Variants in P2RX7 observed in about 807,000 individuals in gnomAD.
P2RX7 encodes purinergic receptor P2X 7, also known as P2X purinoceptor 7.
A neutral mutation model predicts 71.6 loss-of-function variants in P2RX7; 62 were observed. That is an observed-to-expected ratio of 0.87 (90% CI 0.71 to 1.07). P2RX7 has a LOEUF of 1.07. Ranked by LOEUF, P2RX7 falls within the 50% of genes least tolerant of loss-of-function variation. The pLI, the probability that P2RX7 is intolerant of heterozygous loss-of-function variation, is 0.00. For synonymous variants in P2RX7, 299 were observed against 283.3 expected (o/e 1.06, Z -0.56); for missense variants, 686 against 748.5 (o/e 0.92, Z 0.97).
In P2RX7 at chr12:121,166,318, C is replaced by G. The variant is rs1038836386; in HGVS notation, c.744+131C>G. On this transcript the variant is annotated intron_variant, in intron 7 of 12. Transcript: ENST00000328963. ...TTTACTGAGCATTTAGTAAATCCAC[C>G]CGCTACGCTAAGGACTTTACCTACC... The G allele has an allele frequency of 8.2e-6, 8 of 977,908 alleles. No individual in the cohort carries two copies. The African/African-American group carries it at 1.3e-4, about 16-fold the overall frequency. 60.6% of individuals were successfully genotyped at this position (977,908 alleles called of 1,614,324 possible).
chr12:121,173,718 T>C (rs1049469441), intron 8 of P2RX7, among the ~76,000 whole-genome samples: 10 of 152,204 alleles, frequency 6.6e-5, no homozygotes, highest in African/African-American at 2.4e-4. Flanking sequence ...TGCCAGTAGG[T>C]TCTGAGTTAC....
rs372502007 is a variant in P2RX7, at chr12:121,143,045, C to T, written c.125+9950C>T. Among the ~76,000 whole-genome samples the T allele has an allele frequency of 8.7e-5, 13 of 150,254 alleles. No homozygotes were observed. In the East Asian group the frequency reaches 1.4e-3, roughly 16 times the overall value. On this transcript the variant is annotated intron_variant, in intron 1 of 12. Transcript: ENST00000328963. The stretch of plus-strand genomic sequence containing the variant: ...GCAGTGAGCCAAGATTATGCCACTG[C>T]ACTTCCAGCCTGGGGGACAGAGTGA...
intron 1 of P2RX7, among the ~76,000 whole-genome samples, chr12:121,135,496 T>C (rs1028553726): frequency 3.9e-5 from 6 of 152,078 alleles, no homozygotes; most frequent in Non-Finnish European, 8.8e-5. Flanking sequence ...TCAAAAATCC[T>C]TCACCTCTTT....
chr12:121,177,161 C>T lies in P2RX7; in HGVS notation c.987C>T (p.Asp329=), dbSNP rs1883293323. 3.1e-6 allele frequency: 5 copies of T among 1,614,134 alleles called. No homozygotes were observed. The highest frequency in any genetic ancestry group is 4.2e-6 in the Non-Finnish European group (5 of 1,179,974). Residue 329 remains aspartate, a synonymous_variant, in exon 10 of 13, where the codon GAC becomes GAT. Transcript: ENST00000328963. ...ILVFGTGGKF[D]IIQLVVYIGS... ...TCTGTTTTTAGGGAGGAAAATTTGA[C>T]ATTATCCAGCTGGTTGTGTACATCG...
Position 121,154,634 on chromosome 12 carries a change from C to G in P2RX7, c.126-151C>G. On this transcript the variant is annotated intron_variant, in intron 1 of 12. Transcript: ENST00000328963. The surrounding 1 kb of genome is among the most constrained non-coding windows in gnomAD (Gnocchi z 4.2). ...CCATGAGGCAGGTATGACTATTCTT[C>G]CCATTATCCAGAGAGGGAAAACAAG... The G allele has an allele frequency of 1.5e-6, 1 of 670,274 alleles. No individual in the cohort carries two copies. The highest frequency in any genetic ancestry group is 1.8e-5 in the African/African-American group (1 of 56,610). The allele number at this position is 670,274 out of a possible 1,614,324, so 41.5% of individuals were successfully genotyped here. A position where few individuals can be genotyped will look rare whatever the true frequency, so the allele number is the denominator to read the frequency against.
intron 5 of P2RX7, 74 bp downstream of exon 5, chr12:121,162,594 C>A (rs1018488177): frequency 1.3e-6 from 2 of 1,553,340 alleles, no homozygotes; most frequent in South Asian, 1.1e-5. Flanking sequence ...GCTGCTTGGG[C>A]CTTCCCCTCT....
At chr12:121,162,340 T>C in intron 4 of P2RX7, 84 bp from the exon 5 acceptor site, 1 of 1,559,690 alleles carries the variant, frequency 6.4e-7, no homozygotes, top group Non-Finnish European at 8.7e-7. Context: ...CTCGCCCGGG[T>C]TGAGTTAATG....
Position 121,166,165 on chromosome 12 carries a change from AT to A in P2RX7, c.727del (p.Ser243GlnfsTer9). ...GACATCTTCCGAGAAACAGGCGATA[AT>A]TTTTCAGATGTGGCAATTCAGGTTG... ...LGDIFRETGD[N>X]FSDVAIQGGI... On this transcript the variant is annotated frameshift_variant, in exon 7 of 13. Coordinates refer to ENST00000328963, the MANE Select transcript of P2RX7 (RefSeq NM_002562.6). LOFTEE classifies it high-confidence loss of function. 6.2e-7 allele frequency: 1 copy of A among 1,613,606 alleles called. No individual in the cohort carries two copies. The highest frequency in any genetic ancestry group is 8.5e-7 in the Non-Finnish European group (1 of 1,179,702).
At chr12:121,150,227 C>T (rs1371422310) in intron 1 of P2RX7, among the ~76,000 whole-genome samples, 3 of 152,144 alleles carry the variant, frequency 2.0e-5, no homozygotes, top group African/African-American at 7.2e-5. Context: ...TTGTCTTTGA[C>T]GCAGCTCTGA....
rs1333552672 is a variant in P2RX7, at chr12:121,187,145, A to T, written c.*2343A>T. 1 of 152,240 alleles carries T rather than the reference A, an allele frequency of 6.6e-6. No individual in the cohort carries two copies. Among genetic ancestry groups the T allele is most frequent in the Non-Finnish European group, 1.5e-5 (1 of 68,034 alleles). The allele number at this position is 152,240 out of a possible 1,614,324, so 9.4% of individuals were successfully genotyped here. A position where few individuals can be genotyped will look rare whatever the true frequency, so the allele number is the denominator to read the frequency against. On this transcript the variant is annotated 3_prime_UTR_variant, in exon 13 of 13. Coordinates refer to ENST00000328963, the MANE Select transcript of P2RX7 (RefSeq NM_002562.6). ...GTTGGCTATTTATCTGTTTCTAAACAATAGCTATTTTATCGAATAGTTTAG... is the reference window on the plus strand; with the variant it reads ...GTTGGCTATTTATCTGTTTCTAAACTATAGCTATTTTATCGAATAGTTTAG...
At position 121,154,771 on chromosome 12, in the gene P2RX7, T is replaced by C. The variant is rs954666339; in HGVS notation, c.126-14T>C. The C allele has an allele frequency of 2.5e-6, 4 of 1,577,446 alleles. No individual in the cohort carries two copies. Among genetic ancestry groups the C allele is most frequent in the African/African-American group, 1.3e-5 (1 of 74,352 alleles). On this transcript the variant is annotated splice_polypyrimidine_tract_variant and intron_variant, in intron 1 of 12. Transcript: ENST00000328963. This position sits in a 1 kb window ranked among gnomAD's most constrained non-coding sequence, Gnocchi z 4.2. ...TATGCCTCCCGTTGATGCTTTCCCATGTCTGCCATTTAGCTTTGCTCTGGT... is the reference window on the plus strand; with the variant it reads ...TATGCCTCCCGTTGATGCTTTCCCACGTCTGCCATTTAGCTTTGCTCTGGT...
At chr12:121,160,159 T>C (rs1013382792) in intron 3 of P2RX7, among the ~76,000 whole-genome samples, 2 of 152,032 alleles carry the variant, frequency 1.3e-5, no homozygotes, top group Admixed American at 1.3e-4. Context: ...CCTTTCTTTC[T>C]TTTTTTAGGT....
intron 11 of P2RX7, among the ~76,000 whole-genome samples, chr12:121,177,900 G>A (rs1027727675): frequency 6.6e-6 from 1 of 151,856 alleles, no homozygotes; most frequent in African/African-American, 2.4e-5. Context: ...TGTATTTTTA[G>A]TAGAGATGGT....
At chr12:121,164,080 T>C (rs1242089333) in intron 5 of P2RX7, among the ~76,000 whole-genome samples, 1 of 152,178 alleles carries the variant, frequency 6.6e-6, no homozygotes, top group East Asian at 1.9e-4. Context: ...ACTCAGGTAG[T>C]CCTTGTTCAA....
At chr12:121,145,823 A>G (rs909465623) in intron 1 of P2RX7, among the ~76,000 whole-genome samples, 10 of 151,982 alleles carry the variant, frequency 6.6e-5, no homozygotes, top group Non-Finnish European at 1.0e-4. Flanking sequence ...TCACTCTTTC[A>G]AGGGACTCAG....
chr12:121,156,870 T>G (rs915340457), intron 3 of P2RX7, among the ~76,000 whole-genome samples: 10 of 152,176 alleles, frequency 6.6e-5, no homozygotes, highest in Admixed American at 2.0e-4. Flanking sequence ...TGTTTTATTC[T>G]GGGCTAGGCA....
At chr12:121,155,360 G>A in intron 2 of P2RX7, 2 of 1,295,266 alleles carry the variant, frequency 1.5e-6, no homozygotes, top group Non-Finnish European at 2.0e-6. Flanking sequence ...AATGACTCCA[G>A]GAGACCATTC....
chr12:121,135,541 A>G (rs1030814350), intron 1 of P2RX7, among the ~76,000 whole-genome samples: 1 of 151,996 alleles, frequency 6.6e-6, no homozygotes, highest in Non-Finnish European at 1.5e-5. Flanking sequence ...AATGGGGAGA[A>G]TTGTTGATAG....
In P2RX7 at chr12:121,184,447, A is replaced by T. The variant is rs200705903; in HGVS notation, c.1433A>T (p.Gln478Leu). The T allele has an allele frequency of 3.1e-5, 50 of 1,614,000 alleles. No individual in the cohort carries two copies. The highest frequency in any genetic ancestry group is 6.7e-5 in the Admixed American group (4 of 59,984). The change falls in exon 13 of 13, where the codon CAG becomes CTG. Residue 478 changes from glutamine (Q) to leucine (L), a missense_variant. By Grantham distance (113) the Gln-to-Leu change is moderately radical. Transcript: ENST00000328963. ...PRSRDSPVWC[Q>L]CGSCLPSQLP... ...TCCAGGGATAGCCCCGTCTGGTGCC[A>T]GTGTGGAAGCTGCCTCCCATCTCAA...
Sources: gnomAD v4.1 joint callset for allele counts (sites outside exome capture counted in the v4.1 genomes callset) on GRCh38, gnomAD v4.1.1 for gene constraint, Gnocchi (gnomAD v3.1) non-coding constraint, MANE v1.5 for transcripts, NCBI Gene and HGNC (gene_info 2026-07-23, HGNC 2026-07-21) for gene names.